The following CLVS1 variants were observed in gnomAD, a reference collection of about 807,000 sequenced individuals.
The protein encoded by CLVS1 is clavesin-1.
A neutral mutation model predicts 33.1 loss-of-function variants in CLVS1; 10 were observed. The observed-to-expected ratio is 0.30, with a 90% CI of 0.19 to 0.51. CLVS1 has a LOEUF of 0.51. CLVS1 is among the 20% of genes least tolerant of loss of function. The pLI is 0.97. For missense variants in CLVS1, 343 were observed against 433.4 expected (o/e 0.79, Z 1.85); for synonymous variants, 163 against 166.1 (o/e 0.98, Z 0.14).
intron 2 of CLVS1, among the ~76,000 whole-genome samples, chr8:61,171,286 A>T (rs1431474191): frequency 6.6e-6 from 1 of 152,206 alleles, no homozygotes; most frequent in East Asian, 1.9e-4. Context: ...AGAGATCAGC[A>T]GGTCAATACT....
At chr8:61,429,230 G>T (rs1816017851) in intron 3 of CLVS1, among the ~76,000 whole-genome samples, 1 of 151,908 alleles carries the variant, frequency 6.6e-6, no homozygotes, top group Non-Finnish European at 1.5e-5. Flanking sequence ...GACCAGCCTG[G>T]CCAACATGGT....
At chr8:61,205,112 T>A (rs548410104) in intron 2 of CLVS1, among the ~76,000 whole-genome samples, 3 of 152,308 alleles carry the variant, frequency 2.0e-5, no homozygotes, top group Admixed American at 6.5e-5. Context: ...TTAAAAATTT[T>A]AAAAAAATAT....
At chr8:61,258,654 T>C (rs976256676) in intron 2 of CLVS1, among the ~76,000 whole-genome samples, 1 of 152,216 alleles carries the variant, frequency 6.6e-6, no homozygotes, top group Non-Finnish European at 1.5e-5. Flanking sequence ...CCAGGGCTGC[T>C]GAATGGCTTT....
the CLVS1 span, chr8:60,966,490 A>G: frequency 2.3e-6 from 1 of 426,370 alleles, no homozygotes; most frequent in South Asian, 1.7e-5. Flanking sequence ...GCCAAATTAT[A>G]TATTTGCATA....
rs534867280 is a variant in CLVS1, at chr8:61,476,112, T to C, written c.977+17570T>C. 1.2e-4 allele frequency among the ~76,000 whole-genome samples: 19 copies of C among 152,342 alleles called. No homozygotes were observed. The South Asian group carries it at 3.3e-3, about 27-fold the overall frequency. ...GTCAAAGATCAGATAGTTGTAGATA[T>C]GTGACATTATTTCTGAGGGCTCTGT... On this transcript the variant is annotated intron_variant, in intron 5 of 5. Transcript: ENST00000325897.
chr8:61,282,263 C>T (rs1427012027), intron 2 of CLVS1, among the ~76,000 whole-genome samples: 2 of 152,084 alleles, frequency 1.3e-5, no homozygotes, highest in Non-Finnish European at 2.9e-5. Context: ...AGCGAAGTGG[C>T]AGTAGGCAGA....
At chr8:61,096,961 G>T (rs1248892851) in intron 1 of CLVS1, among the ~76,000 whole-genome samples, 3 of 152,148 alleles carry the variant, frequency 2.0e-5, no homozygotes, top group Admixed American at 2.0e-4. Context: ...CATGGATCCT[G>T]CAGGATTCTG....
intron 2 of CLVS1, among the ~76,000 whole-genome samples, chr8:61,205,355 C>T (rs926633960): frequency 6.6e-6 from 1 of 152,194 alleles, no homozygotes; most frequent in African/African-American, 2.4e-5. Flanking sequence ...CTTTCTGTCT[C>T]ACATCAATGG....
chr8:61,232,031 T>TGTTTGTTTGTTTG (rs1554548363), intron 2 of CLVS1, among the ~76,000 whole-genome samples: 20 of 62,468 alleles, frequency 3.2e-4, no homozygotes, highest in South Asian at 5.9e-4. Flanking sequence ...TGGTTTTTTT[T>TGTTTGTTTGTTTG]TTTTTTTTTT....
upstream of CLVS1, among the ~76,000 whole-genome samples, chr8:61,285,266 G>T (rs565908844): frequency 6.6e-6 from 1 of 152,272 alleles, no homozygotes; most frequent in Non-Finnish European, 1.5e-5. Flanking sequence ...TGGGAAATTG[G>T]CTAGATGTGA....
intron 2 of CLVS1, among the ~76,000 whole-genome samples, chr8:61,350,738 G>A (rs1438642273): frequency 4.6e-5 from 7 of 152,126 alleles, no homozygotes; most frequent in African/African-American, 1.4e-4. Flanking sequence ...AGGAAATTAA[G>A]CTGAGTAAAA....
chr8:61,036,823 C>A, the CLVS1 span, among the ~76,000 whole-genome samples: 4 of 152,220 alleles, frequency 2.6e-5, no homozygotes, highest in South Asian at 8.3e-4. Context: ...TGAAACTCTT[C>A]TTTCAGAAGT....
intron 2 of CLVS1, among the ~76,000 whole-genome samples, chr8:61,319,452 C>T (rs1462765801): frequency 6.6e-6 from 1 of 152,198 alleles, no homozygotes; most frequent in Non-Finnish European, 1.5e-5. Flanking sequence ...GTTCTCTTCA[C>T]TCCTGTTACA....
chr8:61,065,736 G>C (rs1804666213), intron 1 of CLVS1, among the ~76,000 whole-genome samples: 1 of 152,204 alleles, frequency 6.6e-6, no homozygotes, highest in South Asian at 2.1e-4. Flanking sequence ...ATAATATATG[G>C]AGTAAATTCT....
At chr8:61,322,766 T>G (rs1811243496) in intron 2 of CLVS1, among the ~76,000 whole-genome samples, 1 of 152,172 alleles carries the variant, frequency 6.6e-6, no homozygotes, top group South Asian at 2.1e-4. Context: ...CTCATCTCAA[T>G]TAATCAATTA....
chr8:61,079,315 G>A (rs16926793), intron 1 of CLVS1, among the ~76,000 whole-genome samples: 3,888 of 152,290 alleles, frequency 0.026, 148 homozygotes, highest in African/African-American at 0.087. Flanking sequence ...AGGGAGGCCC[G>A]TGTGATTTCT....
chr8:61,333,405 G>T (rs1206910388), intron 2 of CLVS1, among the ~76,000 whole-genome samples: 2 of 152,144 alleles, frequency 1.3e-5, no homozygotes, highest in Non-Finnish European at 2.9e-5. Flanking sequence ...AATAGTAGAG[G>T]ATGTGACTAG....
At position 61,263,962 on chromosome 8, in the gene CLVS1, A is replaced by C. The variant is rs73682203; in HGVS notation, c.-151-35715A>C. Among the ~76,000 whole-genome samples, 1,474 of 152,310 alleles carry C rather than the reference A, an allele frequency of 9.7e-3. 24 individuals carry two copies. The highest frequency in any genetic ancestry group is 0.032 in the African/African-American group (1,320 of 41,576). ...GGGTTGAGGAAGTGGTAATTGTCGC[A>C]GAGATTGAGTGTGAGAGTTTCTGTT... On this transcript the variant is annotated intron_variant, in intron 2 of 2. Transcript: ENST00000522621.
chr8:61,106,623 G>A (rs1805544474), intron 1 of CLVS1, among the ~76,000 whole-genome samples: 2 of 152,190 alleles, frequency 1.3e-5, no homozygotes, highest in Non-Finnish European at 2.9e-5. Context: ...CTGTGCCTTT[G>A]AGCCTTTGGC....
Sources: allele counts gnomAD v4.1 joint callset (sites outside exome capture counted in the v4.1 genomes callset), GRCh38; gene constraint gnomAD v4.1.1; transcripts MANE v1.5; gene names NCBI Gene and HGNC (gene_info 2026-07-23, HGNC 2026-07-21).